PKHD1: variants seen among roughly 807,000 people sequenced by gnomAD.
PKHD1 encodes fibrocystin.
Under a neutral mutation model 412.0 loss-of-function variants are expected in PKHD1, and 291 were observed. That is an observed-to-expected ratio of 0.71 (90% CI 0.64 to 0.78). The LOEUF is 0.78. Among genes scored for constraint, PKHD1 ranks in the 30% least tolerant of loss-of-function variants. The probability of loss-of-function intolerance (pLI) is 0.00; values close to 1 mark genes in which losing one functional copy is unlikely to be tolerated. For synonymous variants in PKHD1, 1,777 were observed against 1,821.5 expected (o/e 0.98, Z 0.62); for missense variants, 4,825 against 4,950.7 (o/e 0.97, Z 0.76).
At chr6:51,755,457 G>A (rs74599838) in intron 55 of PKHD1, among the ~76,000 whole-genome samples, 2,774 of 152,232 alleles carry the variant, frequency 0.018, 74 homozygotes, top group African/African-American at 0.063. Flanking sequence ...GTGACCTTGA[G>A]AAGTCACTTC....
At chr6:52,026,381 G>A (rs1247998606) in intron 31 of PKHD1, among the ~76,000 whole-genome samples, 200 bp from the exon 32 acceptor site, 1 of 152,136 alleles carries the variant, frequency 6.6e-6, no homozygotes, top group African/African-American at 2.4e-5. Context: ...TCACATAACA[G>A]TAAAATAATA....
intron 52 of PKHD1, among the ~76,000 whole-genome samples, chr6:51,814,335 T>G (rs541277432): frequency 9.2e-5 from 14 of 152,356 alleles, no homozygotes; most frequent in African/African-American, 3.4e-4. Flanking sequence ...GGCCTAGCAC[T>G]GCAAACAGCA....
At chr6:51,741,047 T>C (rs1784488085) in intron 60 of PKHD1, 1 of 516,064 alleles carries the variant, frequency 1.9e-6, no homozygotes, top group African/African-American at 1.9e-5. Context: ...GTGTGTAATA[T>C]GATATTACTC....
chr6:51,653,747 A>G (rs773280903), intron 61 of PKHD1, among the ~76,000 whole-genome samples: 5 of 152,136 alleles, frequency 3.3e-5, no homozygotes, highest in Non-Finnish European at 7.4e-5. Context: ...ACTAGCTGTT[A>G]AGTAAGCCTA....
intron 60 of PKHD1, among the ~76,000 whole-genome samples, chr6:51,671,151 T>C (rs1214054054): frequency 6.6e-6 from 1 of 152,182 alleles, no homozygotes; most frequent in Non-Finnish European, 1.5e-5. Flanking sequence ...GTTTTCCAAC[T>C]TGGTTCCATT....
chr6:51,914,804 GC>G (rs1267794525), intron 37 of PKHD1, among the ~76,000 whole-genome samples: 2 of 152,020 alleles, frequency 1.3e-5, no homozygotes, highest in African/African-American at 4.8e-5. Flanking sequence ...GGATCGTCCT[GC>G]CTCTAATCTT....
At chr6:51,670,230 C>T (rs2150494539) in intron 60 of PKHD1, among the ~76,000 whole-genome samples, 1 of 151,794 alleles carries the variant, frequency 6.6e-6, no homozygotes, top group East Asian at 1.9e-4. Context: ...TCTGGGTGCT[C>T]CTGTATTGGG....
chr6:51,748,626 C>A lies in PKHD1; in HGVS notation c.8990G>T (p.Gly2997Val). Residue 2997 changes from glycine (G) to valine (V), a missense_variant, in exon 58 of 67, where the codon GGG (glycine) becomes GTG (valine). Physicochemically the swap from Gly to Val is moderately radical, Grantham distance 109. Coordinates refer to ENST00000371117, the MANE Select transcript of PKHD1 (RefSeq NM_138694.4). ...QLLNVEIQNF[G>V]SPLYSSVEFS... Reference sequence around the variant, plus strand: ...TTCAACAGATGAGTACAATGGTGACCCGAAGTTCTGAATTTCCACATTAAG... The same window carrying A: ...TTCAACAGATGAGTACAATGGTGACACGAAGTTCTGAATTTCCACATTAAG... 1 of 1,613,666 alleles carries A rather than the reference C, an allele frequency of 6.2e-7. No individual in the cohort carries two copies. Among genetic ancestry groups the A allele is most frequent in the Non-Finnish European group, 8.5e-7 (1 of 1,179,780 alleles).
intron 60 of PKHD1, among the ~76,000 whole-genome samples, chr6:51,737,104 T>C (rs753046750): frequency 2.6e-5 from 4 of 152,190 alleles, no homozygotes; most frequent in Non-Finnish European, 4.4e-5. Context: ...ACTTTCTTTC[T>C]TGAGAAGTGT....
chr6:51,898,969 G>T (rs1364449882), intron 43 of PKHD1, among the ~76,000 whole-genome samples: 1 of 152,224 alleles, frequency 6.6e-6, no homozygotes, highest in Non-Finnish European at 1.5e-5. Context: ...AAACCAGGAA[G>T]AAGTTGAATC....
chr6:52,002,274 T>C (rs1038813231), intron 35 of PKHD1, among the ~76,000 whole-genome samples: 2 of 152,218 alleles, frequency 1.3e-5, no homozygotes, highest in East Asian at 1.9e-4. Context: ...TACCAATCAA[T>C]TGAAAGGTTA....
intron 35 of PKHD1, among the ~76,000 whole-genome samples, chr6:51,988,427 A>C (rs1796469140): frequency 6.6e-6 from 1 of 152,224 alleles, no homozygotes; most frequent in South Asian, 2.1e-4. Context: ...TTAAAAGTAC[A>C]AAAAACACAT....
At chr6:51,959,621 CA>C (rs1221683187) in intron 36 of PKHD1, among the ~76,000 whole-genome samples, 1 of 152,034 alleles carries the variant, frequency 6.6e-6, no homozygotes, top group East Asian at 1.9e-4. Context: ...TCTTTGAGAA[CA>C]CTGTTAACCT....
intron 53 of PKHD1, among the ~76,000 whole-genome samples, chr6:51,783,441 T>C (rs966498490): frequency 1.3e-3 from 63 of 47,568 alleles, no homozygotes; most frequent in African/African-American, 3.2e-3. Flanking sequence ...AAATGTATTA[T>C]TGGTAACCCC....
At chr6:52,004,875 T>A (rs1192993764) in intron 35 of PKHD1, among the ~76,000 whole-genome samples, 2 of 152,126 alleles carry the variant, frequency 1.3e-5, no homozygotes, top group Admixed American at 1.3e-4. Context: ...ACTTCAAGCC[T>A]CCCAGTAGCT....
chr6:51,657,085 A>G (rs757409820), intron 61 of PKHD1, among the ~76,000 whole-genome samples: 35 of 150,178 alleles, frequency 2.3e-4, no homozygotes, highest in Admixed American at 2.7e-4. Context: ...CATCCTTGGT[A>G]CTTTTCCATG....
intron 60 of PKHD1, among the ~76,000 whole-genome samples, chr6:51,679,547 T>G (rs1389571753): frequency 6.6e-6 from 1 of 151,936 alleles, no homozygotes; most frequent in East Asian, 1.9e-4. Context: ...AGATCTGCAC[T>G]GGGAATACAA....
chr6:51,834,230 T>C (rs55815535), intron 51 of PKHD1, among the ~76,000 whole-genome samples: 15,113 of 151,988 alleles, frequency 0.099, 833 homozygotes, highest in East Asian at 0.15. Flanking sequence ...CACGAGACAA[T>C]GAGTTGTTCG....
At chr6:51,987,549 C>A (rs998961875) in intron 35 of PKHD1, among the ~76,000 whole-genome samples, 1 of 152,160 alleles carries the variant, frequency 6.6e-6, no homozygotes, top group African/African-American at 2.4e-5. Flanking sequence ...CAGACTTTAG[C>A]AGCCCATGCC....
Sources: allele counts gnomAD v4.1 joint callset (sites outside exome capture counted in the v4.1 genomes callset), GRCh38; gene constraint gnomAD v4.1.1; transcripts MANE v1.5; gene names NCBI Gene and HGNC (gene_info 2026-07-23, HGNC 2026-07-21).